Variants in XKR4 observed in about 807,000 individuals in gnomAD.
XKR4 encodes XK related 4.
In XKR4, 12 loss-of-function variants were observed where a neutral mutation model predicts 53.9. That is an observed-to-expected ratio of 0.22 (90% CI 0.14 to 0.36). XKR4 has a LOEUF of 0.36. Among genes scored for constraint, XKR4 ranks in the 10% least tolerant of loss-of-function variants. The pLI is 1.00. For missense variants in XKR4, 799 were observed against 859.5 expected, an observed-to-expected ratio of 0.93 and a Z score of 0.88; for synonymous variants, 354 against 362.4, an observed-to-expected ratio of 0.98 and a Z score of 0.26.
chr8:55,156,821 T>C (rs1048295403), intron 1 of XKR4, among the ~76,000 whole-genome samples: 2 of 152,246 alleles, frequency 1.3e-5, no homozygotes, highest in African/African-American at 4.8e-5. Flanking sequence ...TGGGCCAGCA[T>C]GTAAGGTTCA....
intron 2 of XKR4, among the ~76,000 whole-genome samples, chr8:55,465,377 C>A (rs372987394): frequency 2.0e-5 from 3 of 152,008 alleles, no homozygotes; most frequent in Non-Finnish European, 2.9e-5. Context: ...GAAAAACAAG[C>A]AATGGGGAAA....
At chr8:55,455,759 T>C (rs1805560602) in intron 2 of XKR4, among the ~76,000 whole-genome samples, 1 of 152,168 alleles carries the variant, frequency 6.6e-6, no homozygotes, top group South Asian at 2.1e-4. Context: ...GGTGGGAAAG[T>C]AAGGCCATGG....
At chr8:55,443,247 C>T (rs1293831862) in intron 2 of XKR4, among the ~76,000 whole-genome samples, 1 of 151,888 alleles carries the variant, frequency 6.6e-6, no homozygotes, top group East Asian at 1.9e-4. Context: ...AAACTGAATA[C>T]TGCAATGTAC....
intron 1 of XKR4, among the ~76,000 whole-genome samples, chr8:55,309,866 G>A (rs1019978104): frequency 6.6e-6 from 1 of 152,120 alleles, no homozygotes; most frequent in African/African-American, 2.4e-5. Flanking sequence ...TATCTAATTC[G>A]CTTGGTACAC....
chr8:55,265,981 C>T (rs1435138041), intron 1 of XKR4, among the ~76,000 whole-genome samples: 1 of 150,520 alleles, frequency 6.6e-6, no homozygotes, highest in African/African-American at 2.4e-5. Flanking sequence ...AACTCCATCT[C>T]AAAAAATAAA....
Position 55,526,766 on chromosome 8 carries a change from T to C in XKR4, c.*2539T>C, listed in dbSNP as rs1269163013. ...CTTCAATCATGTAAGTTCTAAGTTA[T>C]TTCTCAACTTGATCCCTCATTCAAC... On this transcript the variant is annotated 3_prime_UTR_variant, in exon 3 of 3. Transcript: ENST00000327381. 1 of 152,226 alleles carries C rather than the reference T, an allele frequency of 6.6e-6. No homozygotes were observed. Among genetic ancestry groups the C allele is most frequent in the Non-Finnish European group, 1.5e-5 (1 of 68,048 alleles). 9.4% of individuals were successfully genotyped at this position (152,226 alleles called of 1,614,324 possible).
At chr8:55,395,925 C>A (rs1804509579) in intron 2 of XKR4, among the ~76,000 whole-genome samples, 1 of 152,186 alleles carries the variant, frequency 6.6e-6, no homozygotes, top group South Asian at 2.1e-4. Context: ...TTGAAAAACC[C>A]ACTGTCTGCT....
At chr8:55,249,818 C>T (rs1363733258) in intron 1 of XKR4, among the ~76,000 whole-genome samples, 2 of 152,184 alleles carry the variant, frequency 1.3e-5, no homozygotes, top group African/African-American at 4.8e-5. Context: ...GTCATTCTTA[C>T]TTCACATCCA....
At position 55,330,040 on chromosome 8, in the gene XKR4, G is replaced by T. The variant is rs566791105; in HGVS notation, c.807-27638G>T. Among the ~76,000 whole-genome samples, 130 of 152,230 alleles carry T rather than the reference G, an allele frequency of 8.5e-4. 2 individuals carry two copies. Among genetic ancestry groups the T allele is most frequent in the South Asian group, 7.9e-3 (38 of 4,820 alleles). On this transcript the variant is annotated intron_variant, in intron 1 of 2. Transcript: ENST00000327381. ...ATATATAAAGGGACTTTATGAATTG[G>T]GTGTGGTTATAAATATAAGGAGTGT... is the stretch of plus-strand genomic sequence containing the variant.
At chr8:55,230,899 A>C (rs1032839591) in intron 1 of XKR4, among the ~76,000 whole-genome samples, 1 of 151,950 alleles carries the variant, frequency 6.6e-6, no homozygotes, top group African/African-American at 2.4e-5. Flanking sequence ...TTCAACAAGC[A>C]CTCACGGTCC....
intron 1 of XKR4, among the ~76,000 whole-genome samples, chr8:55,168,172 C>T (rs778050313): frequency 1.3e-5 from 2 of 152,190 alleles, no homozygotes; most frequent in Non-Finnish European, 2.9e-5. Context: ...TTATCATTCA[C>T]TCTCTGAATC....
intron 2 of XKR4, among the ~76,000 whole-genome samples, chr8:55,449,025 T>C (rs1052711638): frequency 6.6e-6 from 1 of 151,878 alleles, no homozygotes; most frequent in Non-Finnish European, 1.5e-5. Context: ...ATTATATAAA[T>C]AGTAAATGAC....
intron 1 of XKR4, among the ~76,000 whole-genome samples, chr8:55,340,535 T>C (rs1259481538): frequency 6.6e-6 from 1 of 152,176 alleles, no homozygotes; most frequent in Non-Finnish European, 1.5e-5. Flanking sequence ...TGGCTTCTGC[T>C]CACCAAAGAG....
intron 1 of XKR4, among the ~76,000 whole-genome samples, chr8:55,238,945 G>T (rs1257109661): frequency 6.6e-6 from 1 of 152,144 alleles, no homozygotes; most frequent in African/African-American, 2.4e-5. Context: ...CTATCTATCT[G>T]ACTTTAAAAC....
intron 1 of XKR4, among the ~76,000 whole-genome samples, chr8:55,158,508 T>G (rs1359273316): frequency 6.6e-6 from 1 of 152,216 alleles, no homozygotes; most frequent in Non-Finnish European, 1.5e-5. Context: ...TTTAATTAGG[T>G]CCCATTTGTC....
At chr8:55,486,984 T>C (rs1449344504) in intron 2 of XKR4, among the ~76,000 whole-genome samples, 2 of 152,186 alleles carry the variant, frequency 1.3e-5, no homozygotes, top group African/African-American at 2.4e-5. Context: ...ACCAATAGAA[T>C]ATGTATATAG....
chr8:55,189,610 A>G (rs1182180606), intron 1 of XKR4, among the ~76,000 whole-genome samples: 6 of 152,232 alleles, frequency 3.9e-5, no homozygotes, highest in Middle Eastern at 3.2e-3. Context: ...ATGTTGTGCT[A>G]TAACATCACA....
chr8:55,349,400 T>A (rs143501001), intron 1 of XKR4, among the ~76,000 whole-genome samples: 2 of 152,348 alleles, frequency 1.3e-5, no homozygotes, highest in African/African-American at 2.4e-5. Flanking sequence ...TGGAACCTGG[T>A]ATTGGGATAT....
chr8:55,450,499 C>G, intron 2 of XKR4: 1 of 633,744 alleles, frequency 1.6e-6, no homozygotes, highest in Middle Eastern at 3.8e-4. Context: ...GCAGCCCCAG[C>G]TCAATGTGCT....
Sources: gnomAD v4.1 joint callset for allele counts (sites outside exome capture counted in the v4.1 genomes callset) on GRCh38, gnomAD v4.1.1 for gene constraint, MANE v1.5 for transcripts, NCBI Gene and HGNC (gene_info 2026-07-23, HGNC 2026-07-21) for gene names.